ODR4: variants seen among roughly 807,000 people sequenced by gnomAD.
ODR4 encodes the protein protein odr-4 homolog.
A neutral mutation model predicts 60.2 loss-of-function variants in ODR4; 47 were observed. The ratio of observed to expected loss-of-function variants is 0.78; its 90% CI spans 0.62 to 1.00. The LOEUF (loss-of-function observed/expected upper bound fraction) is 1.00, where lower values mean the gene tolerates loss of function less well. ODR4 is among the 50% of genes least tolerant of loss of function. The probability of loss-of-function intolerance (pLI) is 0.00; values close to 1 mark genes in which losing one functional copy is unlikely to be tolerated. For synonymous variants in ODR4, 178 were observed against 175.5 expected, an observed-to-expected ratio of 1.01 and a Z score of -0.11; for missense variants, 488 against 530.8, an observed-to-expected ratio of 0.92 and a Z score of 0.79.
chr1:186,431,160 A>C, the ODR4 span, among the ~76,000 whole-genome samples: 1 of 152,170 alleles, frequency 6.6e-6, no homozygotes, highest in Non-Finnish European at 1.5e-5. Context: ...ACGGACTTGT[A>C]GGTGTGCTGG....
At chr1:186,377,476 A>C (rs1659829584) in intron 1 of ODR4, among the ~76,000 whole-genome samples, 1 of 152,232 alleles carries the variant, frequency 6.6e-6, no homozygotes, top group Non-Finnish European at 1.5e-5. Flanking sequence ...TATGGCTACT[A>C]GGTGACACCC....
chr1:186,404,936 C>G (rs1661116897), intron 11 of ODR4, among the ~76,000 whole-genome samples: 1 of 152,062 alleles, frequency 6.6e-6, no homozygotes, highest in Admixed American at 6.5e-5. Flanking sequence ...TCTGATAGTT[C>G]ATAAGGATCG....
chr1:186,392,574 TG>T lies in ODR4; in HGVS notation c.711+789del, dbSNP rs564274049. ...GCTCATGTCTGTAATCCCAGCACTT[TG>T]GGGGGCCGAGGTGGGTGGGTCACTT... On this transcript the variant is annotated intron_variant, in intron 8 of 13. Transcript: ENST00000287859. Among the ~76,000 whole-genome samples, 87 of 152,278 alleles carry T rather than the reference TG, an allele frequency of 5.7e-4. 1 individual carries two copies. The East Asian group carries it at 0.014, about 24-fold the overall frequency.
In ODR4 at chr1:186,388,697, C is replaced by CAAT. The variant is rs1660341904; in HGVS notation, c.437+160_437+162dup. The CAAT allele has an allele frequency of 9.4e-6, 5 of 532,200 alleles. No individual in the cohort carries two copies. The South Asian group carries it at 1.3e-4, about 14-fold the overall frequency. 33.0% of individuals were successfully genotyped at this position (532,200 alleles called of 1,614,324 possible). On this transcript the variant is annotated intron_variant, in intron 5 of 13. Transcript: ENST00000287859. ...GTAAATAACATGGAATTAGAGCCAC[C>CAAT]AATAATAATAATAGCAATAATGGTT...
intron 12 of ODR4, among the ~76,000 whole-genome samples, chr1:186,412,490 G>C (rs2102085833): frequency 1.3e-5 from 2 of 152,134 alleles, no homozygotes. Flanking sequence ...GTTTCATCAA[G>C]CATTTGTTAA....
chr1:186,389,336 G>T (rs1428982795), intron 5 of ODR4, among the ~76,000 whole-genome samples: 1 of 152,020 alleles, frequency 6.6e-6, no homozygotes, highest in Non-Finnish European at 1.5e-5. Flanking sequence ...CAATTAGCGG[G>T]ATTCATAAAA....
At chr1:186,421,944 G>A (rs746413511), downstream of ODR4, among the ~76,000 whole-genome samples, 14 of 150,864 alleles carry the variant, frequency 9.3e-5, no homozygotes, top group Non-Finnish European at 1.8e-4. Flanking sequence ...CAATAACCTA[G>A]TACAAATAAA....
At position 186,417,553 on chromosome 1, in the gene ODR4, GTTC is replaced by G. The variant is rs1558101662; in HGVS notation, c.1201_1203del (p.Ser401del). The G allele has an allele frequency of 6.4e-7, 1 of 1,573,782 alleles. No individual in the cohort carries two copies. The highest frequency in any genetic ancestry group is 8.7e-7 in the Non-Finnish European group (1 of 1,152,036). ...TATTATACCCTTTCAGCTTGTATGA[GTTC>G]TTCTATGAATAGTCAAGCTTCATTG... On this transcript the variant is annotated inframe_deletion, in exon 13 of 14. Transcript: ENST00000287859.
At position 186,386,141 on chromosome 1, in the gene ODR4, T is replaced by C. The variant is rs1660241757; in HGVS notation, c.330+58T>C. Reference sequence around the variant, plus strand: ...ATCAGTTATATGTTATTTTTACTGATTATGAGTATGTGTAATGATTCTAGG... The same window carrying C: ...ATCAGTTATATGTTATTTTTACTGACTATGAGTATGTGTAATGATTCTAGG... On this transcript the variant is annotated intron_variant, in intron 4 of 13. Coordinates refer to ENST00000287859, the MANE Select transcript of ODR4 (RefSeq NM_017847.6). The C allele has an allele frequency of 2.7e-5, 26 of 959,652 alleles. 1 individual carries two copies. The South Asian group carries it at 3.5e-4, about 13-fold the overall frequency. 59.4% of individuals were successfully genotyped at this position (959,652 alleles called of 1,614,324 possible).
intron 4 of ODR4, 94 bp from the exon 5 acceptor site, chr1:186,388,348 A>G (rs1321239637): frequency 7.7e-6 from 5 of 651,158 alleles, no homozygotes; most frequent in Admixed American, 3.7e-5. Context: ...TTTTAAAGCT[A>G]AATGAGAGTT....
At chr1:186,377,248 A>G (rs1238883929) in intron 1 of ODR4, among the ~76,000 whole-genome samples, 1 of 152,220 alleles carries the variant, frequency 6.6e-6, no homozygotes, top group African/African-American at 2.4e-5. Context: ...TTAAAAAAAT[A>G]ATTTTTCAAT....
intron 12 of ODR4, among the ~76,000 whole-genome samples, chr1:186,408,585 T>A (rs1661257120): frequency 6.7e-6 from 1 of 149,906 alleles, no homozygotes; most frequent in African/African-American, 2.4e-5. Context: ...TGTATGTATG[T>A]AAACAAAAAT....
chr1:186,391,524 CAAG>C (rs35365127), intron 7 of ODR4, among the ~76,000 whole-genome samples, 169 bp from the exon 8 acceptor site: 13,504 of 151,580 alleles, frequency 0.089, 926 homozygotes, highest in East Asian at 0.38. Context: ...AATAAGGTAT[CAAG>C]AATGGGGGTA....
intron 7 of ODR4, 81 bp from the exon 8 acceptor site, chr1:186,391,615 A>C (rs1660471013): frequency 2.5e-5 from 21 of 839,262 alleles, no homozygotes; most frequent in Non-Finnish European, 3.7e-5. Context: ...TCAATTTATT[A>C]GGTGGAACAA....
intron 12 of ODR4, among the ~76,000 whole-genome samples, chr1:186,411,657 C>T (rs963515475): frequency 5.9e-5 from 9 of 151,698 alleles, no homozygotes; most frequent in African/African-American, 1.7e-4. Flanking sequence ...CTTAAAATAA[C>T]GTAAAAATCT....
At chr1:186,400,931 GT>G in intron 11 of ODR4, 1 of 1,024,790 alleles carries the variant, frequency 9.8e-7, no homozygotes, top group Admixed American at 2.2e-5. Context: ...GTGTGGCTTT[GT>G]TTTTGCAATT....
At chr1:186,399,363 G>C (rs2102056556) in intron 11 of ODR4, among the ~76,000 whole-genome samples, 1 of 152,166 alleles carries the variant, frequency 6.6e-6, no homozygotes, top group Admixed American at 6.5e-5. Flanking sequence ...ATGCCATGAT[G>C]CCTTGCTAAT....
At chr1:186,418,274 T>C (rs1661654239) in intron 13 of ODR4, among the ~76,000 whole-genome samples, 1 of 149,250 alleles carries the variant, frequency 6.7e-6, no homozygotes. Flanking sequence ...ACTACTATGG[T>C]CATTTTCTTT....
At chr1:186,425,988 T>G (rs1241153099), downstream of ODR4, among the ~76,000 whole-genome samples, 1 of 152,236 alleles carries the variant, frequency 6.6e-6, no homozygotes, top group Non-Finnish European at 1.5e-5. Flanking sequence ...TTTCCATGTT[T>G]GCCTGGAAGT....
Sources: allele counts gnomAD v4.1 joint callset (sites outside exome capture counted in the v4.1 genomes callset), GRCh38; gene constraint gnomAD v4.1.1; transcripts MANE v1.5; gene names NCBI Gene and HGNC (gene_info 2026-07-23, HGNC 2026-07-21).